The following TMOD1 variants were observed in gnomAD, a reference collection of about 807,000 sequenced individuals.
TMOD1 encodes tropomodulin 1.
Under a neutral mutation model 40.6 loss-of-function variants are expected in TMOD1, and 17 were observed. The observed-to-expected ratio is 0.42, with a 90% CI of 0.29 to 0.63. TMOD1 has a LOEUF of 0.63. Ranked by LOEUF, TMOD1 falls within the 20% of genes least tolerant of loss-of-function variation. TMOD1 has a pLI of 0.22. For synonymous variants in TMOD1, 181 were observed against 175.0 expected, an observed-to-expected ratio of 1.03 and a Z score of -0.27; for missense variants, 391 against 447.6, an observed-to-expected ratio of 0.87 and a Z score of 1.14.
intron 4 of TMOD1, among the ~76,000 whole-genome samples, chr9:97,562,055 GT>G (rs1264189365): frequency 6.6e-6 from 1 of 152,108 alleles, no homozygotes; most frequent in Non-Finnish European, 1.5e-5. Context: ...ATTCTCCACT[GT>G]CCCCACCAGA....
chr9:97,574,466 T>C (rs1830885192), intron 8 of TMOD1, among the ~76,000 whole-genome samples: 1 of 152,198 alleles, frequency 6.6e-6, no homozygotes, highest in Non-Finnish European at 1.5e-5. Context: ...CCCCACGCCG[T>C]GGTCTCCTGA....
Position 97,560,850 on chromosome 9 carries a change from G to A in TMOD1, c.398-1882G>A, listed in dbSNP as rs140705929. 3.3e-5 allele frequency among the ~76,000 whole-genome samples: 5 copies of A among 151,834 alleles called. No individual in the cohort carries two copies. In the East Asian group the frequency reaches 5.8e-4, roughly 18 times the overall value. On this transcript the variant is annotated intron_variant, in intron 4 of 9. Coordinates refer to ENST00000259365, the MANE Select transcript of TMOD1 (RefSeq NM_003275.4). ...TGCACTCCAGCCTGGGCAACAGAGCGAGACTCCATCTCAAAAAAAAAAATT... is the reference window on the plus strand; with the variant it reads ...TGCACTCCAGCCTGGGCAACAGAGCAAGACTCCATCTCAAAAAAAAAAATT...
At chr9:97,549,104 A>G (rs1830411047) in intron 3 of TMOD1, among the ~76,000 whole-genome samples, 1 of 152,246 alleles carries the variant, frequency 6.6e-6, no homozygotes, top group African/African-American at 2.4e-5. Flanking sequence ...AGAGACCAGA[A>G]TATAGCTCCA....
At chr9:97,575,067 C>T (rs138673437) in intron 8 of TMOD1, among the ~76,000 whole-genome samples, 1 of 152,356 alleles carries the variant, frequency 6.6e-6, no homozygotes, top group African/African-American at 2.4e-5. Flanking sequence ...CACTTCCGCA[C>T]TGTGGAAACT....
At chr9:97,530,849 G>C (rs575139699) in intron 2 of TMOD1, among the ~76,000 whole-genome samples, 2 of 139,738 alleles carry the variant, frequency 1.4e-5, no homozygotes, top group Non-Finnish European at 3.0e-5. Flanking sequence ...GTGCAACGGC[G>C]TGATCTCGGC....
intron 3 of TMOD1, 106 bp downstream of exon 3, chr9:97,546,447 G>A: frequency 8.0e-7 from 1 of 1,243,710 alleles, no homozygotes; most frequent in Non-Finnish European, 1.1e-6. Flanking sequence ...ATGTGACTGG[G>A]CCTCCTTGTC....
chr9:97,549,088 A>G (rs1830410728), intron 3 of TMOD1, among the ~76,000 whole-genome samples: 1 of 152,234 alleles, frequency 6.6e-6, no homozygotes. Flanking sequence ...TTCTCATTCA[A>G]GTGGGAGAGA....
chr9:97,525,869 G>C (rs1035478056), intron 2 of TMOD1, among the ~76,000 whole-genome samples: 1 of 152,114 alleles, frequency 6.6e-6, no homozygotes, highest in African/African-American at 2.4e-5. Flanking sequence ...GTGGAACTTT[G>C]GTCCTTTGAA....
chr9:97,559,795 ATATATATATAT>A (rs1339798561), intron 4 of TMOD1, among the ~76,000 whole-genome samples: 15 of 11,092 alleles, frequency 1.4e-3, no homozygotes, highest in African/African-American at 3.1e-3. Flanking sequence ...AAAAAAAAAA[ATATATATATAT>A]ATATATATAT....
intron 8 of TMOD1, among the ~76,000 whole-genome samples, chr9:97,584,825 A>C (rs541823477): frequency 6.6e-6 from 1 of 151,330 alleles, no homozygotes; most frequent in Non-Finnish European, 1.5e-5. Context: ...GATTGCAACA[A>C]CCCCTGCCTT....
chr9:97,517,023 T>C (rs915998813), intron 1 of TMOD1, among the ~76,000 whole-genome samples: 10 of 152,014 alleles, frequency 6.6e-5, no homozygotes, highest in African/African-American at 2.4e-4. Flanking sequence ...AAAGCAACTA[T>C]AACAACAAAA....
intron 8 of TMOD1, among the ~76,000 whole-genome samples, chr9:97,576,461 A>C (rs1324822254): frequency 6.6e-6 from 1 of 152,170 alleles, no homozygotes; most frequent in Non-Finnish European, 1.5e-5. Flanking sequence ...CTCCAAAAAA[A>C]TAAATAAATA....
intron 1 of TMOD1, among the ~76,000 whole-genome samples, chr9:97,515,079 G>A (rs1253915414): frequency 6.6e-6 from 1 of 151,884 alleles, no homozygotes; most frequent in African/African-American, 2.4e-5. Context: ...GTTCACACCT[G>A]TAATCCCAGC....
At chr9:97,588,641 T>C (rs1564000064) in intron 8 of TMOD1, among the ~76,000 whole-genome samples, 1 of 152,204 alleles carries the variant, frequency 6.6e-6, no homozygotes, top group East Asian at 1.9e-4. Flanking sequence ...TTAATCAATT[T>C]GGTAATATTG....
At chr9:97,537,341 C>T (rs1214392225) in intron 2 of TMOD1, among the ~76,000 whole-genome samples, 1 of 152,176 alleles carries the variant, frequency 6.6e-6, no homozygotes, top group African/African-American at 2.4e-5. Context: ...GGTATATGTA[C>T]GTGTGTGTGC....
chr9:97,559,356 T>C (rs1454621088), intron 4 of TMOD1, among the ~76,000 whole-genome samples: 1 of 151,988 alleles, frequency 6.6e-6, no homozygotes, highest in Non-Finnish European at 1.5e-5. Context: ...AACAAGCAAG[T>C]CTAATTTTAG....
intron 1 of TMOD1, among the ~76,000 whole-genome samples, chr9:97,523,080 G>A (rs1039079370): frequency 6.6e-6 from 1 of 152,032 alleles, no homozygotes; most frequent in South Asian, 2.1e-4. Context: ...TAATAAAAAT[G>A]TTTTAATTAA....
intron 4 of TMOD1, among the ~76,000 whole-genome samples, chr9:97,559,063 C>G (rs917413198): frequency 6.6e-6 from 1 of 152,188 alleles, no homozygotes; most frequent in Non-Finnish European, 1.5e-5. Context: ...TTTTCCACCT[C>G]TCTCCACTCT....
intron 2 of TMOD1, among the ~76,000 whole-genome samples, chr9:97,536,636 G>A (rs149314519): frequency 5.6e-4 from 85 of 152,284 alleles, no homozygotes; most frequent in African/African-American, 2.0e-3. Context: ...CGGCAGTCAG[G>A]TGGGATGGAA....
Sources: gnomAD v4.1 joint callset for allele counts (sites outside exome capture counted in the v4.1 genomes callset) on GRCh38, gnomAD v4.1.1 for gene constraint, MANE v1.5 for transcripts, NCBI Gene and HGNC (gene_info 2026-07-23, HGNC 2026-07-21) for gene names.